SLC6A11: variants seen among roughly 807,000 people sequenced by gnomAD.
SLC6A11 encodes sodium- and chloride-dependent GABA transporter 3.
In SLC6A11, 25 loss-of-function variants were observed where a neutral mutation model predicts 74.8. That is an observed-to-expected ratio of 0.33 (90% CI 0.24 to 0.47). The LOEUF (loss-of-function observed/expected upper bound fraction) is 0.47, where lower values mean the gene tolerates loss of function less well. Among genes scored for constraint, SLC6A11 ranks in the 20% least tolerant of loss-of-function variants. The probability of loss-of-function intolerance (pLI) is 1.00; values close to 1 mark genes in which losing one functional copy is unlikely to be tolerated. For missense variants in SLC6A11, 574 were observed against 837.0 expected (o/e 0.69, Z 3.88); for synonymous variants, 330 against 330.2 (o/e 1.00, Z 0.01).
At chr3:10,829,275 T>A (rs1434653170) in intron 4 of SLC6A11, among the ~76,000 whole-genome samples, 5 of 152,224 alleles carry the variant, frequency 3.3e-5, no homozygotes, top group African/African-American at 1.2e-4. Context: ...AGAACTTTGA[T>A]GGGTCATAAG....
chr3:10,895,844 A>T (rs1002154428), intron 6 of SLC6A11, among the ~76,000 whole-genome samples: 6 of 152,120 alleles, frequency 3.9e-5, no homozygotes, highest in African/African-American at 7.2e-5. Context: ...TACCTAGGTG[A>T]TGGGTTAGTA....
chr3:10,844,280 G>A lies in SLC6A11; in HGVS notation c.690G>A (p.Leu230=), dbSNP rs1249191622. Reference sequence around the variant, plus strand: ...GGAACCTTCGCTGGGAGCTGGCCTTGTGTCTCTTGGCAGCCTGGACCATCT... The same window carrying A: ...GGAACCTTCGCTGGGAGCTGGCCTTATGTCTCTTGGCAGCCTGGACCATCT... ...HIGNLRWELA[L]CLLAAWTICY... Residue 230 remains leucine (L), a synonymous_variant, in exon 5 of 14, where the codon TTG becomes TTA. Transcript: ENST00000254488. 1 of 1,614,210 alleles carries A rather than the reference G, an allele frequency of 6.2e-7. No individual in the cohort carries two copies. The highest frequency in any genetic ancestry group is 8.5e-7 in the Non-Finnish European group (1 of 1,180,044).
rs1376945590 is a variant in SLC6A11, at chr3:10,816,807, G to A, written c.256+286G>A. Among the ~76,000 whole-genome samples the A allele has an allele frequency of 1.3e-5, 2 of 152,234 alleles. No homozygotes were observed. The highest frequency in any genetic ancestry group is 4.8e-5 in the African/African-American group (2 of 41,472). ...TGCAGACCGAGGCCAGGGAGCCCTTGCTTTGGGTAGGCGCCCTGGTGTTTC... is the reference window on the plus strand; with the variant it reads ...TGCAGACCGAGGCCAGGGAGCCCTTACTTTGGGTAGGCGCCCTGGTGTTTC... On this transcript the variant is annotated intron_variant, in intron 1 of 13. Coordinates refer to ENST00000254488, the MANE Select transcript of SLC6A11 (RefSeq NM_014229.3). This position sits in a 1 kb window ranked among gnomAD's most constrained non-coding sequence, Gnocchi z 4.2.
chr3:10,823,236 GT>G, intron 3 of SLC6A11, 65 bp from the exon 4 acceptor site: 2 of 1,236,610 alleles, frequency 1.6e-6, no homozygotes, highest in Non-Finnish European at 2.4e-6. Flanking sequence ...AGCTCTGAAT[GT>G]TTTTCAGGAT....
Position 10,912,121 on chromosome 3 carries a change from T to G in SLC6A11, c.923T>G (p.Phe308Cys). 2 of 1,613,958 alleles carry G rather than the reference T, an allele frequency of 1.2e-6. No individual in the cohort carries two copies. The highest frequency in any genetic ancestry group is 1.7e-6 in the Non-Finnish European group (2 of 1,179,842). Reference sequence around the variant, plus strand: ...GTAGATGCTGGAACGCAGATCTTTTTCTCCTATGCCATTTGCCTGGGCTGT... The same window carrying G: ...GTAGATGCTGGAACGCAGATCTTTTGCTCCTATGCCATTTGCCTGGGCTGT... The part of the protein sequence containing the change: ...VWVDAGTQIF[F>C]SYAICLGCLT... Residue 308 changes from phenylalanine (F) to cysteine (C), a missense_variant, in exon 7 of 14, where the codon TTC (phenylalanine) becomes TGC (cysteine). Coordinates refer to ENST00000254488, the MANE Select transcript of SLC6A11 (RefSeq NM_014229.3).
chr3:10,905,991 G>A (rs1695297535), intron 6 of SLC6A11, among the ~76,000 whole-genome samples: 1 of 152,168 alleles, frequency 6.6e-6, no homozygotes, highest in Non-Finnish European at 1.5e-5. Flanking sequence ...CTCTAGCCCA[G>A]ACATCGATAT....
At chr3:10,882,514 T>C (rs569939910) in intron 6 of SLC6A11, among the ~76,000 whole-genome samples, 1 of 152,282 alleles carries the variant, frequency 6.6e-6, no homozygotes, top group East Asian at 1.9e-4. Flanking sequence ...GGAGAATTTA[T>C]CTGTTACTTG....
At chr3:10,878,725 A>G (rs983907867) in intron 6 of SLC6A11, among the ~76,000 whole-genome samples, 14 of 151,716 alleles carry the variant, frequency 9.2e-5, no homozygotes, top group Admixed American at 1.3e-4. Context: ...CTCATCCTTT[A>G]GGACTGAGTT....
In SLC6A11 at chr3:10,929,198, C is replaced by G; in HGVS notation, c.1234-4C>G. On this transcript the variant is annotated splice_polypyrimidine_tract_variant and splice_region_variant and intron_variant, in intron 9 of 13. Transcript: ENST00000254488. The stretch of plus-strand genomic sequence containing the variant: ...GTTTCACACCATCATATCTCCCCAT[C>G]CAGTTTGTGTGTGTGGAAAGCCTGG... 6.2e-7 allele frequency: 1 copy of G among 1,613,796 alleles called. No individual in the cohort carries two copies. The highest frequency in any genetic ancestry group is 2.2e-5 in the East Asian group (1 of 44,876).
intron 8 of SLC6A11, among the ~76,000 whole-genome samples, chr3:10,922,099 T>A (rs1297121131): frequency 6.6e-6 from 1 of 152,130 alleles, no homozygotes; most frequent in Non-Finnish European, 1.5e-5. Context: ...GACATAGAGA[T>A]CTGAACAATA....
At chr3:10,929,458 A>G in intron 10 of SLC6A11, 119 bp downstream of exon 10, 3 of 1,061,394 alleles carry the variant, frequency 2.8e-6, no homozygotes, top group Non-Finnish European at 2.8e-6. Context: ...CACTCGGTTT[A>G]TGCTTCCTCC....
chr3:10,874,286 T>G (rs575000957), intron 5 of SLC6A11, among the ~76,000 whole-genome samples: 8 of 152,236 alleles, frequency 5.3e-5, no homozygotes, highest in Non-Finnish European at 1.2e-4. Context: ...TGATGTATAT[T>G]TCTTTCTGTG....
At chr3:10,900,272 G>A (rs181673696) in intron 6 of SLC6A11, among the ~76,000 whole-genome samples, 4 of 152,260 alleles carry the variant, frequency 2.6e-5, no homozygotes, top group South Asian at 4.2e-4. Context: ...GTTAGGACTC[G>A]GTGTGAGCTT....
chr3:10,930,855 G>C (rs1389028410), intron 10 of SLC6A11, among the ~76,000 whole-genome samples: 1 of 152,036 alleles, frequency 6.6e-6, no homozygotes, highest in African/African-American at 2.4e-5. Flanking sequence ...GAGGCCATCA[G>C]GGAGCCAGCG....
chr3:10,854,401 A>T (rs1203692280), intron 5 of SLC6A11, among the ~76,000 whole-genome samples: 1 of 152,144 alleles, frequency 6.6e-6, no homozygotes, highest in Non-Finnish European at 1.5e-5. Context: ...AAAAATAAAT[A>T]AATAAATAAA....
rs1467173367 is a variant in SLC6A11 at position 10,878,436 on chromosome 3, G to A, written c.891+3341G>A. ...TTTTTTTTTTTTGAGATGGGGTCTTGTTCTGTCATCCAGGCTGGAGTGCAG... is the reference window on the plus strand; with the variant it reads ...TTTTTTTTTTTTGAGATGGGGTCTTATTCTGTCATCCAGGCTGGAGTGCAG... On this transcript the variant is annotated intron_variant, in intron 6 of 13. Transcript: ENST00000254488. Among the ~76,000 whole-genome samples the A allele has an allele frequency of 1.1e-4, 14 of 128,818 alleles. No homozygotes were observed. The Admixed American group carries it at 1.2e-3, about 11-fold the overall frequency. The allele number at this position is 128,818 out of a possible 152,430, so 84.5% of individuals were successfully genotyped here. A position where few individuals can be genotyped will look rare whatever the true frequency, so the allele number is the denominator to read the frequency against.
chr3:10,924,740 A>G (rs1695580231), intron 8 of SLC6A11, among the ~76,000 whole-genome samples: 1 of 152,250 alleles, frequency 6.6e-6, no homozygotes, highest in Admixed American at 6.5e-5. Flanking sequence ...ATGTGAAGAT[A>G]CTCGATGTCA....
At chr3:10,887,733 G>T (rs1003777522) in intron 6 of SLC6A11, among the ~76,000 whole-genome samples, 10 of 152,156 alleles carry the variant, frequency 6.6e-5, no homozygotes, top group African/African-American at 1.9e-4. Flanking sequence ...GTGAGCTACC[G>T]TGCCCTGCTG....
intron 4 of SLC6A11, among the ~76,000 whole-genome samples, chr3:10,842,681 T>TA (rs1040136301): frequency 2.0e-5 from 3 of 152,252 alleles, no homozygotes; most frequent in East Asian, 1.9e-4. Flanking sequence ...TACCTTTTTT[T>TA]ATCCTAGGCT....
Sources: allele counts gnomAD v4.1 joint callset (sites outside exome capture counted in the v4.1 genomes callset), GRCh38; gene constraint gnomAD v4.1.1; non-coding constraint Gnocchi (gnomAD v3.1); transcripts MANE v1.5; gene names NCBI Gene and HGNC (gene_info 2026-07-23, HGNC 2026-07-21).